Variants in LRRFIP1 observed in about 807,000 individuals in gnomAD.
LRRFIP1 encodes LRR binding FLII interacting protein 1.
LRRFIP1 carries 62 observed loss-of-function variants against 104.4 expected under a neutral mutation model. The observed-to-expected ratio is 0.59, with a 90% confidence interval of 0.48 to 0.73. LRRFIP1 has a LOEUF of 0.73. Among genes scored for constraint, LRRFIP1 ranks in the 30% least tolerant of loss-of-function variants. The pLI is 0.00. For synonymous variants in LRRFIP1, 300 were observed against 299.0 expected, an observed-to-expected ratio of 1.00 and a Z score of -0.03; for missense variants, 796 against 824.5, an observed-to-expected ratio of 0.97 and a Z score of 0.42.
rs188015000 is a variant in LRRFIP1 at position 237,773,055 on chromosome 2, A to C, written c.1707+110A>C. ...AAAAGCCGAGATTTTTAGAACCAAG[A>C]AATGTCCTAAGAGGGATAAGTTAAG... On this transcript the variant is annotated intron_variant, in intron 22 of 23. Coordinates refer to ENST00000308482, the MANE Select transcript of LRRFIP1 (RefSeq NM_001137550.2). 8.7e-6 allele frequency: 7 copies of C among 808,040 alleles called. No individual in the cohort carries two copies. The African/African-American group carries it at 1.2e-4, about 14-fold the overall frequency. The allele number at this position is 808,040 out of a possible 1,614,324, so 50.1% of individuals were successfully genotyped here.
rs1324843981 is a variant in LRRFIP1, at chr2:237,708,531, C to T, written c.97-13C>T. The T allele has an allele frequency of 6.4e-7, 1 of 1,556,078 alleles. No individual in the cohort carries two copies. The highest frequency in any genetic ancestry group is 1.8e-5 in the Admixed American group (1 of 55,956). On this transcript the variant is annotated splice_polypyrimidine_tract_variant and intron_variant, in intron 1 of 23. Transcript: ENST00000308482. ...CTGCTCTGTCCTCTAATAAGATGCC[C>T]TGTCCGTTTCAGGCGGAAGCCCGGC... is the stretch of plus-strand genomic sequence containing the variant.
At position 237,711,771 on chromosome 2, in the gene LRRFIP1, G is replaced by A. The variant is rs917065932; in HGVS notation, c.184-2488G>A. On this transcript the variant is annotated intron_variant, in intron 2 of 23. Transcript: ENST00000308482. This position sits in a 1 kb window ranked among gnomAD's most constrained non-coding sequence, Gnocchi z 4.4. Reference sequence around the variant, plus strand: ...GGCCAAGATGGTGAGTGAGGACACCGAGTGAAGCAGCTCTACCGGGGGGTG... The same window carrying A: ...GGCCAAGATGGTGAGTGAGGACACCAAGTGAAGCAGCTCTACCGGGGGGTG... Among the ~76,000 whole-genome samples, 3 of 151,980 alleles carry A rather than the reference G, an allele frequency of 2.0e-5. No homozygotes were observed. Among genetic ancestry groups the A allele is most frequent in the South Asian group, 2.1e-4 (1 of 4,826 alleles).
At position 237,708,568 on chromosome 2, in the gene LRRFIP1, C is replaced by T. The variant is rs755985867; in HGVS notation, c.121C>T (p.Arg41Trp). Residue 41 changes from arginine to tryptophan, a missense_variant, in exon 2 of 24, where the codon CGG becomes TGG. Coordinates refer to ENST00000308482, the MANE Select transcript of LRRFIP1 (RefSeq NM_001137550.2). ...REAEARLAAK[R>W]AARAEAREIR... ...GGCGGAAGCCCGGCTCGCTGCAAAA[C>T]GGGCGGCCCGCGCGGAGGCTCGCGA... 32 of 1,590,068 alleles carry T rather than the reference C, an allele frequency of 2.0e-5. No individual in the cohort carries two copies. The highest frequency in any genetic ancestry group is 6.7e-5 in the African/African-American group (5 of 74,630).
rs372069202 is a variant in LRRFIP1 at position 237,748,409 on chromosome 2, C to A, written c.669+10C>A. On this transcript the variant is annotated intron_variant, in intron 12 of 23. Coordinates refer to ENST00000308482, the MANE Select transcript of LRRFIP1 (RefSeq NM_001137550.2). The stretch of plus-strand genomic sequence containing the variant: ...AGATTTTACTGAGAAGGTAAGGAAT[C>A]GTTCATAAACCTAGAGGGTCCCAAA... The A allele has an allele frequency of 1.3e-6, 2 of 1,598,152 alleles. No individual in the cohort carries two copies. Among genetic ancestry groups the A allele is most frequent in the East Asian group, 2.2e-5 (1 of 44,744 alleles).
chr2:237,680,270 T>C (rs1171550884), intron 1 of LRRFIP1, among the ~76,000 whole-genome samples: 3 of 151,938 alleles, frequency 2.0e-5, no homozygotes. Flanking sequence ...GATGGGAGGG[T>C]CGCTTGAGGC....
Position 237,735,747 on chromosome 2 carries a change from G to C in LRRFIP1, c.555+414G>C, listed in dbSNP as rs2095224238. 1 of 165,022 alleles carries C rather than the reference G, an allele frequency of 6.1e-6. No individual in the cohort carries two copies. Among genetic ancestry groups the C allele is most frequent in the Admixed American group, 6.1e-5 (1 of 16,488 alleles). The allele number at this position is 165,022 out of a possible 1,614,324, so 10.2% of individuals were successfully genotyped here. ...GTTACGCATATTTCATTCCCTGTTT[G>C]TATTTTGTTGTCTCTCTACCTCTTT... On this transcript the variant is annotated intron_variant, in intron 10 of 23. Coordinates refer to ENST00000308482, the MANE Select transcript of LRRFIP1 (RefSeq NM_001137550.2). The surrounding 1 kb of genome is among the most constrained non-coding windows in gnomAD (Gnocchi z 4.6).
intron 23 of LRRFIP1, among the ~76,000 whole-genome samples, chr2:237,775,307 A>G (rs1297399020): frequency 6.6e-6 from 1 of 152,232 alleles, no homozygotes; most frequent in African/African-American, 2.4e-5. Context: ...GCAAAGGATC[A>G]GCACGTGCAG....
intron 10 of LRRFIP1, among the ~76,000 whole-genome samples, chr2:237,736,367 C>G (rs1276102074): frequency 6.6e-6 from 1 of 152,178 alleles, no homozygotes; most frequent in Non-Finnish European, 1.5e-5. Flanking sequence ...TTTTCATAGG[C>G]CATTAGAAAG....
chr2:237,726,572 TTTATTA>T (rs1379555704), intron 7 of LRRFIP1, among the ~76,000 whole-genome samples: 1 of 152,258 alleles, frequency 6.6e-6, no homozygotes, highest in African/African-American at 2.4e-5. Context: ...TTGTAATGTA[TTTATTA>T]TTATGCACAT....
At chr2:237,706,880 C>G (rs944549327) in intron 1 of LRRFIP1, among the ~76,000 whole-genome samples, 1 of 152,226 alleles carries the variant, frequency 6.6e-6, no homozygotes, top group Non-Finnish European at 1.5e-5. Flanking sequence ...CTACCTGCCA[C>G]CGCCTTCCAA....
intron 1 of LRRFIP1, among the ~76,000 whole-genome samples, chr2:237,645,620 C>A (rs2084770291): frequency 6.8e-6 from 1 of 147,684 alleles, no homozygotes; most frequent in Admixed American, 6.6e-5. Context: ...ACTTTGTCTT[C>A]TTTTGGGAGG....
rs1388466086 is a variant in LRRFIP1 at position 237,780,575 on chromosome 2, A to T, written c.*1043A>T. On this transcript the variant is annotated 3_prime_UTR_variant, in exon 24 of 24. Transcript: ENST00000308482. ...TTTAGCTACCTGCTGATTTTTAGTG[A>T]CTGTTCATATATGTTGTATTTCAAG... is the stretch of plus-strand genomic sequence containing the variant. Among the ~76,000 whole-genome samples, 1 of 152,210 alleles carries T rather than the reference A, an allele frequency of 6.6e-6. No individual in the cohort carries two copies. Among genetic ancestry groups the T allele is most frequent in the Non-Finnish European group, 1.5e-5 (1 of 68,042 alleles).
intron 14 of LRRFIP1, 143 bp from the exon 15 acceptor site, chr2:237,753,166 C>A: frequency 1.8e-6 from 1 of 570,232 alleles, no homozygotes; most frequent in Non-Finnish European, 2.9e-6. Flanking sequence ...TTGAAATTGC[C>A]ATGTGTTTCT....
chr2:237,729,658 T>C, intron 8 of LRRFIP1: 2 of 204,768 alleles, frequency 9.8e-6, no homozygotes, highest in Non-Finnish European at 1.7e-5. Flanking sequence ...CTAGCGTTCC[T>C]GGGCTCCTAG....
intron 8 of LRRFIP1, among the ~76,000 whole-genome samples, chr2:237,732,524 G>T (rs997416131): frequency 6.6e-6 from 1 of 152,234 alleles, no homozygotes; most frequent in African/African-American, 2.4e-5. Flanking sequence ...AGTCACAAGA[G>T]CAAAGCTTAG....
In LRRFIP1 at chr2:237,749,257, C is replaced by T. The variant is rs769060824; in HGVS notation, c.728C>T (p.Ser243Phe). 3.7e-6 allele frequency: 6 copies of T among 1,613,922 alleles called. No individual in the cohort carries two copies. The highest frequency in any genetic ancestry group is 2.5e-6 in the Non-Finnish European group (3 of 1,180,024). The change falls in exon 13 of 24, where the codon TCC becomes TTC. Residue 243 changes from serine (S) to phenylalanine (F), a missense_variant. Coordinates refer to ENST00000308482, the MANE Select transcript of LRRFIP1 (RefSeq NM_001137550.2). Reference protein sequence around the residue: ...AATLASLGGTSSRRGSGDTSI... With the variant: ...AATLASLGGTFSRRGSGDTSI... The stretch of plus-strand genomic sequence containing the variant: ...ACGCTGGCCTCTCTGGGTGGGACTT[C>T]CTCTCGGAGAGGCAGCGGAGACACC...
At chr2:237,754,381 A>G (rs747040698) in intron 15 of LRRFIP1, among the ~76,000 whole-genome samples, 1 of 152,252 alleles carries the variant, frequency 6.6e-6, no homozygotes, top group African/African-American at 2.4e-5. Flanking sequence ...GATCAGATAT[A>G]ATTTCTATTG....
chr2:237,735,351 A>G lies in LRRFIP1; in HGVS notation c.555+18A>G. Reference sequence around the variant, plus strand: ...CCCGTGCTGTAAGGCGCTTTCGGTGATACCTCCTTTCCCCCGTGCCTGCTG... The same window carrying G: ...CCCGTGCTGTAAGGCGCTTTCGGTGGTACCTCCTTTCCCCCGTGCCTGCTG... On this transcript the variant is annotated intron_variant, in intron 10 of 23. Transcript: ENST00000308482. The surrounding 1 kb of genome is among the most constrained non-coding windows in gnomAD (Gnocchi z 4.6). The G allele has an allele frequency of 6.2e-7, 1 of 1,610,930 alleles. No homozygotes were observed. Among genetic ancestry groups the G allele is most frequent in the Non-Finnish European group, 8.5e-7 (1 of 1,179,270 alleles).
In LRRFIP1 at chr2:237,649,666, G is replaced by A. The variant is rs1326054296; in HGVS notation, c.96+21926G>A. Among the ~76,000 whole-genome samples, 1 of 151,922 alleles carries A rather than the reference G, an allele frequency of 6.6e-6. No homozygotes were observed. Among genetic ancestry groups the A allele is most frequent in the Non-Finnish European group, 1.5e-5 (1 of 67,946 alleles). Reference sequence around the variant, plus strand: ...GGTTGCTGTCCATGCAGACTGTGAGGGATGTTCACATGTCACATTTCTCAC... The same window carrying A: ...GGTTGCTGTCCATGCAGACTGTGAGAGATGTTCACATGTCACATTTCTCAC... On this transcript the variant is annotated intron_variant, in intron 1 of 23. Transcript: ENST00000308482. The surrounding 1 kb of genome is among the most constrained non-coding windows in gnomAD (Gnocchi z 4.1).
Sources: allele counts gnomAD v4.1 joint callset (sites outside exome capture counted in the v4.1 genomes callset), GRCh38; gene constraint gnomAD v4.1.1; non-coding constraint Gnocchi (gnomAD v3.1); transcripts MANE v1.5; gene names NCBI Gene and HGNC (gene_info 2026-07-23, HGNC 2026-07-21).